MYRFL: variants seen among roughly 807,000 people sequenced by gnomAD.
MYRFL encodes myelin regulatory factor-like protein.
MYRFL carries 88 observed loss-of-function variants against 109.4 expected under a neutral mutation model. The ratio of observed to expected loss-of-function variants is 0.80; its 90% confidence interval spans 0.68 to 0.96. The LOEUF (loss-of-function observed/expected upper bound fraction) is 0.96. MYRFL is among the 40% of genes least tolerant of loss of function. The probability of loss-of-function intolerance (pLI) is 0.00; values close to 1 mark genes in which losing one functional copy is unlikely to be tolerated. For synonymous variants in MYRFL, 324 were observed against 320.9 expected (o/e 1.01, Z -0.10); for missense variants, 957 against 954.9 (o/e 1.00, Z -0.03).
At position 69,936,435 on chromosome 12, in the gene MYRFL, C is replaced by T; in HGVS notation, c.2045-18C>T. On this transcript the variant is annotated intron_variant, in intron 18 of 24. Coordinates refer to ENST00000552032, the MANE Select transcript of MYRFL (RefSeq NM_182530.3). ...TTAACCTTCTTGCTTCCCCTCCCCC[C>T]TGCCCAATGCCTTGCAGCACCTAAT... 4 of 1,532,248 alleles carry T rather than the reference C, an allele frequency of 2.6e-6. 1 individual carries two copies. Among genetic ancestry groups the T allele is most frequent in the South Asian group, 2.4e-5 (2 of 83,674 alleles). The allele number at this position is 1,532,248 out of a possible 1,614,324, so 94.9% of individuals were successfully genotyped here.
chr12:69,852,135 A>G (rs1166254545), intron 1 of MYRFL, among the ~76,000 whole-genome samples: 2 of 152,224 alleles, frequency 1.3e-5, no homozygotes, highest in East Asian at 1.9e-4. Flanking sequence ...TGTAGAGGTT[A>G]TGTATTACAA....
intron 6 of MYRFL, among the ~76,000 whole-genome samples, chr12:69,889,127 C>A (rs1453049392): frequency 6.6e-6 from 1 of 151,934 alleles, no homozygotes; most frequent in African/African-American, 2.4e-5. Flanking sequence ...ATAATAGCAG[C>A]CATCCAAATT....
chr12:69,826,738 A>G (rs1882303211), intron 1 of MYRFL, among the ~76,000 whole-genome samples: 1 of 152,074 alleles, frequency 6.6e-6, no homozygotes, highest in Admixed American at 6.6e-5. Context: ...TTATCTGTGA[A>G]TAGTTGGAAA....
chr12:69,898,965 C>G (rs1328402327), intron 10 of MYRFL, among the ~76,000 whole-genome samples: 1 of 152,200 alleles, frequency 6.6e-6, no homozygotes, highest in African/African-American at 2.4e-5. Context: ...ATAATGATGA[C>G]TTTGAGAAGT....
intron 10 of MYRFL, among the ~76,000 whole-genome samples, chr12:69,898,020 C>T (rs932171331): frequency 1.3e-5 from 2 of 152,200 alleles, no homozygotes; most frequent in Non-Finnish European, 2.9e-5. Flanking sequence ...TAACAGGTAG[C>T]CACAGGCCTG....
intron 22 of MYRFL, among the ~76,000 whole-genome samples, chr12:69,955,682 G>A (rs965760793): frequency 1.3e-5 from 2 of 152,104 alleles, no homozygotes; most frequent in African/African-American, 4.8e-5. Context: ...AAGTGGGAGT[G>A]ATTTTGGTTT....
At position 69,886,971 on chromosome 12, in the gene MYRFL, G is replaced by C. The variant is rs947987281; in HGVS notation, c.707+1G>C. ...TATTAAACAGTCATTATGAAAAACTGTAAGTGGCTTGAGTGGGCTGGAGAG... is the reference window on the plus strand; with the variant it reads ...TATTAAACAGTCATTATGAAAAACTCTAAGTGGCTTGAGTGGGCTGGAGAG... On this transcript the variant is annotated splice_donor_variant, in intron 6 of 24. Coordinates refer to ENST00000552032, the MANE Select transcript of MYRFL (RefSeq NM_182530.3). LOFTEE classifies it high-confidence loss of function. 4 of 1,535,818 alleles carry C rather than the reference G, an allele frequency of 2.6e-6. No individual in the cohort carries two copies. The highest frequency in any genetic ancestry group is 2.6e-6 in the Non-Finnish European group (3 of 1,146,674).
intron 2 of MYRFL, among the ~76,000 whole-genome samples, chr12:69,872,157 G>A (rs1885392309): frequency 6.6e-6 from 1 of 151,900 alleles, no homozygotes; most frequent in Non-Finnish European, 1.5e-5. Context: ...GTCTGTGGTG[G>A]TACTCTTTAT....
chr12:69,931,321 C>T (rs1044370833), intron 15 of MYRFL, among the ~76,000 whole-genome samples: 2 of 152,160 alleles, frequency 1.3e-5, no homozygotes, highest in African/African-American at 4.8e-5. Context: ...AGACGTCCTC[C>T]GAACAGTTTC....
chr12:69,856,311 G>A (rs1449263920), intron 2 of MYRFL, among the ~76,000 whole-genome samples: 2 of 152,092 alleles, frequency 1.3e-5, no homozygotes, highest in Non-Finnish European at 2.9e-5. Flanking sequence ...ATCTGTTCAA[G>A]GACATTTGAA....
In MYRFL at chr12:69,910,811, T is replaced by C. The variant is rs946338500; in HGVS notation, c.1493-10T>C. 2.6e-6 allele frequency: 4 copies of C among 1,524,312 alleles called. No individual in the cohort carries two copies. In the African/African-American group the frequency reaches 4.1e-5, roughly 16 times the overall value. The allele number at this position is 1,524,312 out of a possible 1,614,324, so 94.4% of individuals were successfully genotyped here. On this transcript the variant is annotated splice_polypyrimidine_tract_variant and intron_variant, in intron 12 of 24. Coordinates refer to ENST00000552032, the MANE Select transcript of MYRFL (RefSeq NM_182530.3). ...TTGAAGATTAAACCTGTGGAGTGTT[T>C]TGTATACAGGAATGATTGCCCAGGA...
intron 1 of MYRFL, among the ~76,000 whole-genome samples, chr12:69,843,773 G>A (rs1883375799): frequency 6.6e-6 from 1 of 152,226 alleles, no homozygotes; most frequent in Non-Finnish European, 1.5e-5. Context: ...GGAAAGGGAG[G>A]CAGAGAATGA....
At chr12:69,845,183 TA>T (rs1235802053) in intron 1 of MYRFL, among the ~76,000 whole-genome samples, 2 of 152,194 alleles carry the variant, frequency 1.3e-5, no homozygotes, top group Non-Finnish European at 2.9e-5. Flanking sequence ...TTTTATTTGT[TA>T]TTTTTTATAT....
chr12:69,853,829 C>T (rs1259628186), intron 1 of MYRFL, among the ~76,000 whole-genome samples: 5 of 111,332 alleles, frequency 4.5e-5, no homozygotes, highest in Admixed American at 1.9e-4. Flanking sequence ...CAGACGGGAT[C>T]GCGGCCGGGA....
chr12:69,955,571 A>G, intron 22 of MYRFL, 134 bp downstream of exon 22: 1 of 477,602 alleles, frequency 2.1e-6, no homozygotes, highest in Non-Finnish European at 3.7e-6. Flanking sequence ...ATGGTTTGAG[A>G]GGTGGCCTAT....
chr12:69,857,280 T>C (rs1884354958), intron 2 of MYRFL, among the ~76,000 whole-genome samples: 1 of 151,924 alleles, frequency 6.6e-6, no homozygotes. Context: ...ATGATCTTTA[T>C]TACTGTACAC....
intron 21 of MYRFL, among the ~76,000 whole-genome samples, chr12:69,954,787 A>T (rs1158474846): frequency 2.0e-5 from 3 of 152,180 alleles, no homozygotes; most frequent in East Asian, 3.8e-4. Flanking sequence ...TTTCCCTTTT[A>T]TCCAAGTATC....
chr12:69,856,745 A>G (rs1017905046), intron 2 of MYRFL, among the ~76,000 whole-genome samples: 3 of 151,876 alleles, frequency 2.0e-5, no homozygotes, highest in Non-Finnish European at 4.4e-5. Context: ...TTAAAAATTG[A>G]GTTTGTTTTC....
chr12:69,944,711 A>G (rs1455875961), intron 19 of MYRFL, among the ~76,000 whole-genome samples: 3 of 152,102 alleles, frequency 2.0e-5, no homozygotes, highest in Non-Finnish European at 4.4e-5. Context: ...AGAAAAGACA[A>G]ATATTTAAAG....
Sources: allele counts gnomAD v4.1 joint callset (sites outside exome capture counted in the v4.1 genomes callset), GRCh38; gene constraint gnomAD v4.1.1; transcripts MANE v1.5; gene names NCBI Gene and HGNC (gene_info 2026-07-23, HGNC 2026-07-21).